The following TCAIM variants were observed in gnomAD, a reference collection of about 807,000 sequenced individuals.
TCAIM encodes T cell activation inhibitor, mitochondrial, also known as T-cell activation inhibitor, mitochondrial.
In TCAIM, 36 loss-of-function variants were observed where a neutral mutation model predicts 58.6. The ratio of observed to expected loss-of-function variants is 0.61; its 90% CI spans 0.47 to 0.81. The LOEUF (loss-of-function observed/expected upper bound fraction) is 0.81. Among genes scored for constraint, TCAIM ranks in the 30% least tolerant of loss-of-function variants. TCAIM has a pLI of 0.00. For missense variants in TCAIM, 466 were observed against 579.6 expected, an observed-to-expected ratio of 0.80 and a Z score of 2.01; for synonymous variants, 172 against 193.6, an observed-to-expected ratio of 0.89 and a Z score of 0.93.
Position 44,407,546 on chromosome 3 carries a change from G to A in TCAIM, c.1355G>A (p.Cys452Tyr), listed in dbSNP as rs1702119329. ...PSISSIQMVD[C>Y]CKRLLEQSLP... is the part of the protein sequence containing the mutation. The stretch of plus-strand genomic sequence containing the variant: ...ATTTCTAGTATACAAATGGTGGATT[G>A]TTGTAAGAGACTTCTAGAACAATCA... Residue 452 changes from cysteine to tyrosine, a missense_variant, in exon 11 of 11, where the codon TGT (cysteine) becomes TAT (tyrosine). Coordinates refer to ENST00000342649, the MANE Select transcript of TCAIM (RefSeq NM_173826.4). 6.2e-7 allele frequency: 1 copy of A among 1,613,756 alleles called. No homozygotes were observed.
intron 3 of TCAIM, among the ~76,000 whole-genome samples, chr3:44,361,025 A>G (rs868502668): frequency 6.6e-6 from 1 of 152,266 alleles, no homozygotes; most frequent in African/African-American, 2.4e-5. Flanking sequence ...ATGGCTAAGA[A>G]CATCATATTA....
intron 10 of TCAIM, among the ~76,000 whole-genome samples, chr3:44,404,201 C>G (rs1377230970): frequency 1.3e-5 from 2 of 152,136 alleles, no homozygotes; most frequent in Non-Finnish European, 2.9e-5. Context: ...CAACTCGAAG[C>G]ATGGAGTCCC....
At chr3:44,400,738 C>T (rs950377381) in intron 9 of TCAIM, 151 bp downstream of exon 9, 1 of 672,434 alleles carries the variant, frequency 1.5e-6, no homozygotes, top group Non-Finnish European at 2.5e-6. Context: ...CTCTTCTACA[C>T]ACTAGAAAAG....
intron 10 of TCAIM, 85 bp downstream of exon 10, chr3:44,401,419 T>A (rs1259940486): frequency 6.5e-7 from 1 of 1,531,052 alleles, no homozygotes; most frequent in African/African-American, 1.4e-5. Flanking sequence ...ATATGGGACC[T>A]GGAAACAGTA....
chr3:44,361,891 G>A (rs555769071), intron 4 of TCAIM, among the ~76,000 whole-genome samples: 27 of 152,140 alleles, frequency 1.8e-4, no homozygotes, highest in Non-Finnish European at 3.2e-4. Context: ...ACTTAGTGAT[G>A]TTCAGTGCCT....
chr3:44,392,839 A>C lies in TCAIM; in HGVS notation c.573-16A>C. On this transcript the variant is annotated splice_polypyrimidine_tract_variant and intron_variant, in intron 5 of 10. Transcript: ENST00000342649. Reference sequence around the variant, plus strand: ...TTATAGTTAGTATTGTAAAGTATGTATCTCTCTCTTTCTAGATCCTGGTTA... The same window carrying C: ...TTATAGTTAGTATTGTAAAGTATGTCTCTCTCTCTTTCTAGATCCTGGTTA... 2 of 1,608,434 alleles carry C rather than the reference A, an allele frequency of 1.2e-6. No individual in the cohort carries two copies. Among genetic ancestry groups the C allele is most frequent in the Non-Finnish European group, 8.5e-7 (1 of 1,176,822 alleles).
At chr3:44,396,881 T>C (rs909652287) in intron 8 of TCAIM, 47 bp downstream of exon 8, 3 of 1,557,706 alleles carry the variant, frequency 1.9e-6, no homozygotes, top group Admixed American at 1.8e-5. Flanking sequence ...TTCATAAACT[T>C]TCATTTCCAA....
At chr3:44,394,617 C>T (rs1158344955) in intron 6 of TCAIM, among the ~76,000 whole-genome samples, 2 of 151,580 alleles carry the variant, frequency 1.3e-5, no homozygotes, top group African/African-American at 2.4e-5. Flanking sequence ...ATAACCCGGC[C>T]GGGTATGGTG....
chr3:44,371,147 G>A (rs1701463041), intron 5 of TCAIM, among the ~76,000 whole-genome samples: 1 of 151,754 alleles, frequency 6.6e-6, no homozygotes, highest in Non-Finnish European at 1.5e-5. Context: ...CTTGACCTCA[G>A]GTGATCCGCC....
Position 44,357,775 on chromosome 3 carries a change from C to A in TCAIM, c.64C>A (p.Pro22Thr), listed in dbSNP as rs1701224019. The A allele has an allele frequency of 1.2e-6, 2 of 1,614,122 alleles. No individual in the cohort carries two copies. ...AGAGAAGATATTTCCACACTGGTTTCCCTTTTCAAGAGCTTTATCGGGAGC... is the reference window on the plus strand; with the variant it reads ...AGAGAAGATATTTCCACACTGGTTTACCTTTTCAAGAGCTTTATCGGGAGC... ...CLEKIFPHWF[P>T]FSRALSGAEA... Residue 22 changes from proline to threonine, a missense_variant, in exon 3 of 11, where the codon CCC (proline) becomes ACC (threonine). Physicochemically the swap from Pro to Thr is conservative, Grantham distance 38. Transcript: ENST00000342649.
intron 5 of TCAIM, among the ~76,000 whole-genome samples, chr3:44,385,973 G>C (rs985294632): frequency 3.9e-4 from 59 of 152,054 alleles, no homozygotes; most frequent in Non-Finnish European, 1.2e-4. Flanking sequence ...CTTACAAACA[G>C]TAGCCAGCAA....
At chr3:44,376,335 T>C (rs1481431245) in intron 5 of TCAIM, among the ~76,000 whole-genome samples, 1 of 152,214 alleles carries the variant, frequency 6.6e-6, no homozygotes, top group African/African-American at 2.4e-5. Context: ...TAAAAAGAAC[T>C]ATCACTACTC....
Position 44,404,841 on chromosome 3 carries a change from G to A in TCAIM, c.1251-2601G>A, listed in dbSNP as rs577777169. 1.2e-3 allele frequency among the ~76,000 whole-genome samples: 171 copies of A among 139,964 alleles called. 1 individual carries two copies. Among genetic ancestry groups the A allele is most frequent in the African/African-American group, 4.0e-3 (157 of 39,226 alleles). 91.8% of individuals were successfully genotyped at this position (139,964 alleles called of 152,430 possible). A position where few individuals can be genotyped will look rare whatever the true frequency, so the allele number is the denominator to read the frequency against. On this transcript the variant is annotated intron_variant, in intron 10 of 10. Coordinates refer to ENST00000342649, the MANE Select transcript of TCAIM (RefSeq NM_173826.4). ...ATGGCAAAAAACTGCAATTACTTTT[G>A]CACCAACCTAATAAAAAAGATTAAA...
At chr3:44,374,333 G>T (rs1292417701) in intron 5 of TCAIM, among the ~76,000 whole-genome samples, 2 of 148,382 alleles carry the variant, frequency 1.3e-5, no homozygotes, top group East Asian at 2.0e-4. Context: ...TGCATTTCTA[G>T]TAGTAAGTTT....
At chr3:44,404,076 T>C (rs1399538203) in intron 10 of TCAIM, among the ~76,000 whole-genome samples, 1 of 152,152 alleles carries the variant, frequency 6.6e-6, no homozygotes, top group African/African-American at 2.4e-5. Context: ...CCTCGGGCAC[T>C]CTTGACATGT....
intron 4 of TCAIM, among the ~76,000 whole-genome samples, chr3:44,364,162 C>T (rs192653334): frequency 1.3e-5 from 2 of 151,038 alleles, no homozygotes; most frequent in African/African-American, 4.9e-5. Context: ...CTCTTAACCC[C>T]GTGATCCGCC....
chr3:44,346,742 A>G (rs957223871), intron 1 of TCAIM, among the ~76,000 whole-genome samples: 1 of 152,326 alleles, frequency 6.6e-6, no homozygotes, highest in East Asian at 1.9e-4. Context: ...TGCCGCGTGC[A>G]GACATGAAGG....
intron 5 of TCAIM, among the ~76,000 whole-genome samples, chr3:44,370,645 G>A (rs1440494842): frequency 1.3e-5 from 2 of 150,486 alleles, no homozygotes; most frequent in Admixed American, 6.6e-5. Flanking sequence ...TAGTGGCATA[G>A]CATTACAGTA....
At chr3:44,383,346 C>G (rs1266591076) in intron 5 of TCAIM, among the ~76,000 whole-genome samples, 1 of 152,118 alleles carries the variant, frequency 6.6e-6, no homozygotes, top group South Asian at 2.1e-4. Context: ...TTGATATACT[C>G]CTACAGTGGA....
Sources: gnomAD v4.1 joint callset for allele counts (sites outside exome capture counted in the v4.1 genomes callset) on GRCh38, gnomAD v4.1.1 for gene constraint, MANE v1.5 for transcripts, NCBI Gene and HGNC (gene_info 2026-07-23, HGNC 2026-07-21) for gene names.